DHX57: variants seen among roughly 807,000 people sequenced by gnomAD.
DHX57 encodes DExH-box helicase 57, also known as putative ATP-dependent RNA helicase DHX57.
DHX57 carries 105 observed loss-of-function variants against 156.2 expected under a neutral mutation model. That is an observed-to-expected ratio of 0.67 (90% confidence interval 0.57 to 0.79). DHX57 has a LOEUF of 0.79. DHX57 is among the 30% of genes least tolerant of loss of function. DHX57 has a pLI of 0.00. For missense variants in DHX57, 1,847 were observed against 1,661.9 expected, an observed-to-expected ratio of 1.11 and a Z score of -1.94; for synonymous variants, 704 against 595.6, an observed-to-expected ratio of 1.18 and a Z score of -2.65.
At chr2:38,810,209 T>C (rs1670169819) in intron 21 of DHX57, among the ~76,000 whole-genome samples, 1 of 151,780 alleles carries the variant, frequency 6.6e-6, no homozygotes, top group Admixed American at 6.6e-5. Context: ...TCTTTTTTTT[T>C]TTTTTTTTTA....
At chr2:38,868,545 G>A in intron 1 of DHX57, 134 bp from the exon 2 acceptor site, 1 of 942,862 alleles carries the variant, frequency 1.1e-6, no homozygotes, top group Non-Finnish European at 1.5e-6. Flanking sequence ...GCTGGTCTTG[G>A]GGCAGGATTC....
rs566367264 is a variant in DHX57 at position 38,847,410 on chromosome 2, A to T, written c.2165-337T>A. 5.3e-5 allele frequency among the ~76,000 whole-genome samples: 8 copies of T among 152,354 alleles called. No homozygotes were observed. The South Asian group carries it at 1.7e-3, about 32-fold the overall frequency. On this transcript the variant is annotated intron_variant, in intron 10 of 23. Coordinates refer to ENST00000457308, the MANE Select transcript of DHX57 (RefSeq NM_198963.3). ...AACAGTTGTATTCTAGATCAAACAC[A>T]AAGTTTCTTCCTTAGATTTACTGCC...
At chr2:38,849,313 A>G (rs1433049422) in intron 9 of DHX57, among the ~76,000 whole-genome samples, 3 of 152,228 alleles carry the variant, frequency 2.0e-5, no homozygotes, top group Non-Finnish European at 4.4e-5. Flanking sequence ...GTTGCCTGGA[A>G]TAGTATGCAC....
At chr2:38,831,629 C>T (rs563444361) in intron 13 of DHX57, among the ~76,000 whole-genome samples, 7 of 151,730 alleles carry the variant, frequency 4.6e-5, no homozygotes, top group African/African-American at 4.8e-5. Context: ...CCAAAGCGGG[C>T]GGATCACCTG....
At chr2:38,807,556 A>T (rs536877123) in intron 21 of DHX57, among the ~76,000 whole-genome samples, 1 of 151,542 alleles carries the variant, frequency 6.6e-6, no homozygotes, top group East Asian at 1.9e-4. Context: ...ACGGGGTTTC[A>T]CCATGTTAGC....
chr2:38,843,315 C>G, intron 11 of DHX57, 105 bp from the exon 12 acceptor site: 1 of 1,165,502 alleles, frequency 8.6e-7, no homozygotes. Flanking sequence ...TCACTGTCTG[C>G]CCAATTCACA....
rs372210579 is a variant in DHX57, at chr2:38,816,511, C to T, written c.3472-856G>A. 2.8e-4 allele frequency among the ~76,000 whole-genome samples: 42 copies of T among 152,284 alleles called. No individual in the cohort carries two copies. In the East Asian group the frequency reaches 5.4e-3, roughly 20 times the overall value. On this transcript the variant is annotated intron_variant, in intron 19 of 23. Transcript: ENST00000457308. ...GATTACAGGCATGAGCCACCACGCC[C>T]GGCCATGGTTTAAGATTGAGATGCT... is the stretch of plus-strand genomic sequence containing the variant.
At chr2:38,859,987 A>C (rs960838992) in intron 5 of DHX57, among the ~76,000 whole-genome samples, 2 of 151,816 alleles carry the variant, frequency 1.3e-5, no homozygotes, top group African/African-American at 4.8e-5. Flanking sequence ...AGCTAAGAAA[A>C]TATATATATT....
At chr2:38,854,945 A>T (rs1402714996) in intron 8 of DHX57, 112 bp downstream of exon 8, 3 of 958,198 alleles carry the variant, frequency 3.1e-6, no homozygotes, top group Non-Finnish European at 4.9e-6. Context: ...TAATTTAAAA[A>T]TAACCTGAAA....
intron 21 of DHX57, among the ~76,000 whole-genome samples, chr2:38,808,491 T>C (rs569951695): frequency 7.9e-5 from 12 of 152,298 alleles, no homozygotes; most frequent in African/African-American, 9.6e-5. Context: ...TTTTGATGGA[T>C]ATATAAGACC....
intron 6 of DHX57, among the ~76,000 whole-genome samples, chr2:38,857,861 CCTT>C (rs1415797767): frequency 1.3e-5 from 2 of 152,098 alleles, no homozygotes; most frequent in Admixed American, 1.3e-4. Flanking sequence ...CCTTCCTTAT[CCTT>C]CTCCTTTTAT....
chr2:38,811,661 T>C, intron 21 of DHX57: 1 of 1,212,488 alleles, frequency 8.2e-7, no homozygotes, highest in Non-Finnish European at 1.2e-6. Flanking sequence ...ACATAGCATC[T>C]GGGATTGGAG....
chr2:38,808,692 C>T (rs1670080718), intron 21 of DHX57, among the ~76,000 whole-genome samples: 1 of 151,992 alleles, frequency 6.6e-6, no homozygotes, highest in Non-Finnish European at 1.5e-5. Context: ...ACTTATATTC[C>T]CACCCAGAGT....
chr2:38,841,619 C>T (rs947702436), intron 12 of DHX57, among the ~76,000 whole-genome samples: 2 of 152,054 alleles, frequency 1.3e-5, no homozygotes, highest in African/African-American at 2.4e-5. Flanking sequence ...GAAGCAGTAA[C>T]GGGTTGGAAG....
intron 16 of DHX57, among the ~76,000 whole-genome samples, chr2:38,824,835 G>C (rs1301351352): frequency 6.6e-6 from 1 of 152,102 alleles, no homozygotes; most frequent in Admixed American, 6.6e-5. Flanking sequence ...TTTTAGTAGA[G>C]ATGGGGTTTC....
rs1204739723 is a variant in DHX57 at position 38,874,716 on chromosome 2, C to T, written c.-7+1071G>A. Among the ~76,000 whole-genome samples, 3 of 152,156 alleles carry T rather than the reference C, an allele frequency of 2.0e-5. No homozygotes were observed. The East Asian group carries it at 5.8e-4, about 29-fold the overall frequency. On this transcript the variant is annotated intron_variant, in intron 1 of 23. Coordinates refer to ENST00000457308, the MANE Select transcript of DHX57 (RefSeq NM_198963.3). Reference sequence around the variant, plus strand: ...GAGCCACCGCGCCCGACCTGAAATACTGTATTTTCAATCTGTGTTGGGTTG... The same window carrying T: ...GAGCCACCGCGCCCGACCTGAAATATTGTATTTTCAATCTGTGTTGGGTTG...
chr2:38,846,706 G>A (rs768433330), intron 11 of DHX57, among the ~76,000 whole-genome samples: 3 of 151,792 alleles, frequency 2.0e-5, no homozygotes, highest in Non-Finnish European at 4.4e-5. Flanking sequence ...AGAACAAAAT[G>A]TTCAAACAGA....
chr2:38,802,641 T>TTGACTTCA, intron 23 of DHX57, 74 bp downstream of exon 23: 1 of 1,576,972 alleles, frequency 6.3e-7, no homozygotes, highest in South Asian at 1.1e-5. Context: ...AGGAATGCCC[T>TTGACTTCA]TGACTTCATA....
At chr2:38,852,178 T>C (rs1288231025) in intron 9 of DHX57, among the ~76,000 whole-genome samples, 1 of 151,760 alleles carries the variant, frequency 6.6e-6, no homozygotes, top group Non-Finnish European at 1.5e-5. Flanking sequence ...TTATATGCCT[T>C]CTCTGTTCAA....
Sources: gnomAD v4.1 joint callset for allele counts (sites outside exome capture counted in the v4.1 genomes callset) on GRCh38, gnomAD v4.1.1 for gene constraint, MANE v1.5 for transcripts, NCBI Gene and HGNC (gene_info 2026-07-23, HGNC 2026-07-21) for gene names.